Variants in SLC6A6 observed in about 807,000 individuals in gnomAD.
SLC6A6 encodes solute carrier family 6 member 6.
A neutral mutation model predicts 68.8 loss-of-function variants in SLC6A6; 16 were observed. The ratio of observed to expected loss-of-function variants is 0.23; its 90% CI spans 0.16 to 0.35. The LOEUF is 0.35. Ranked by LOEUF, SLC6A6 falls within the 10% of genes least tolerant of loss-of-function variation. SLC6A6 has a pLI of 1.00. For synonymous variants in SLC6A6, 312 were observed against 315.4 expected, an observed-to-expected ratio of 0.99 and a Z score of 0.12; for missense variants, 474 against 802.8, an observed-to-expected ratio of 0.59 and a Z score of 4.95.
chr3:14,465,851 G>A (rs1403292454), intron 6 of SLC6A6, among the ~76,000 whole-genome samples: 1 of 152,242 alleles, frequency 6.6e-6, no homozygotes, highest in African/African-American at 2.4e-5. Flanking sequence ...CTACGCCCTG[G>A]AATGTCAGTT....
At chr3:14,441,083 T>C (rs942779634) in intron 2 of SLC6A6, among the ~76,000 whole-genome samples, 1 of 152,028 alleles carries the variant, frequency 6.6e-6, no homozygotes, top group Non-Finnish European at 1.5e-5. Context: ...TCTAGAGGGT[T>C]CTCGAATATT....
At chr3:14,482,916 G>A (rs551731406) in intron 14 of SLC6A6, among the ~76,000 whole-genome samples, 1 of 152,250 alleles carries the variant, frequency 6.6e-6, no homozygotes, top group Admixed American at 6.5e-5. Flanking sequence ...AGCCCTCCAG[G>A]TGACCCCACA....
intron 2 of SLC6A6, among the ~76,000 whole-genome samples, chr3:14,419,869 G>A (rs1416069453): frequency 6.6e-6 from 1 of 152,074 alleles, no homozygotes; most frequent in African/African-American, 2.4e-5. Context: ...CCGGTGCCTG[G>A]GGCAGCTTAA....
intron 9 of SLC6A6, among the ~76,000 whole-genome samples, chr3:14,470,700 G>A (rs994517728): frequency 2.8e-4 from 43 of 152,272 alleles, no homozygotes; most frequent in African/African-American, 1.0e-3. Flanking sequence ...GTTCTGTAGG[G>A]ACCAGTGGGG....
chr3:14,439,953 G>A (rs565597589), intron 2 of SLC6A6, among the ~76,000 whole-genome samples: 1 of 152,176 alleles, frequency 6.6e-6, no homozygotes, highest in Non-Finnish European at 1.5e-5. Context: ...GGCGTCTCTT[G>A]TCATCTCTGG....
In SLC6A6 at chr3:14,487,360, C is replaced by G. The variant is rs945567634; in HGVS notation, c.*2353C>G. 2 of 152,782 alleles carry G rather than the reference C, an allele frequency of 1.3e-5. No individual in the cohort carries two copies. Among genetic ancestry groups the G allele is most frequent in the Non-Finnish European group, 2.9e-5 (2 of 68,124 alleles). 9.5% of individuals were successfully genotyped at this position (152,782 alleles called of 1,614,324 possible). A position where few individuals can be genotyped will look rare whatever the true frequency, so the allele number is the denominator to read the frequency against. ...CACCTGTCTCCAATCAGAGCCCTCT[C>G]GCCCAGCCAGCCCTGGCTCTGTGTG... is the stretch of plus-strand genomic sequence containing the variant. On this transcript the variant is annotated 3_prime_UTR_variant, in exon 15 of 15. Transcript: ENST00000622186.
At chr3:14,469,379 G>A (rs1246317198) in intron 9 of SLC6A6, among the ~76,000 whole-genome samples, 2 of 152,110 alleles carry the variant, frequency 1.3e-5, no homozygotes, top group East Asian at 1.9e-4. Context: ...CGGAGGCCCT[G>A]CCATTCCACT....
Position 14,468,007 on chromosome 3 carries a change from T to A in SLC6A6, c.971+51T>A. On this transcript the variant is annotated intron_variant, in intron 8 of 14. Transcript: ENST00000622186. The surrounding 1 kb of genome is among the most constrained non-coding windows in gnomAD (Gnocchi z 4.5). The stretch of plus-strand genomic sequence containing the variant: ...TGGACTTTAGAAATGATGATGATGA[T>A]GTTTAAAGAAAAAGAGAAGTAGGGA... 1.2e-6 allele frequency: 2 copies of A among 1,608,540 alleles called. No individual in the cohort carries two copies. The highest frequency in any genetic ancestry group is 1.7e-6 in the Non-Finnish European group (2 of 1,175,398).
chr3:14,444,302 A>C (rs1346299762), intron 3 of SLC6A6: 1 of 188,830 alleles, frequency 5.3e-6, no homozygotes, highest in African/African-American at 2.3e-5. Context: ...AAATTCTGTT[A>C]CCCGCTGTAG....
chr3:14,468,318 C>T lies in SLC6A6; in HGVS notation c.1096+106C>T. 1.0e-6 allele frequency: 1 copy of T among 996,242 alleles called. No homozygotes were observed. Among genetic ancestry groups the T allele is most frequent in the Non-Finnish European group, 1.4e-6 (1 of 714,384 alleles). The allele number at this position is 996,242 out of a possible 1,614,324, so 61.7% of individuals were successfully genotyped here. A position where few individuals can be genotyped will look rare whatever the true frequency, so the allele number is the denominator to read the frequency against. On this transcript the variant is annotated intron_variant, in intron 9 of 14. Coordinates refer to ENST00000622186, the MANE Select transcript of SLC6A6 (RefSeq NM_003043.6). This position sits in a 1 kb window ranked among gnomAD's most constrained non-coding sequence, Gnocchi z 4.5. Reference sequence around the variant, plus strand: ...CCAGGGGGCTTTGAGGGGGGACGAGCCTGGTTTCTAAAATGGACCCCCCCC... The same window carrying T: ...CCAGGGGGCTTTGAGGGGGGACGAGTCTGGTTTCTAAAATGGACCCCCCCC...
intron 2 of SLC6A6, among the ~76,000 whole-genome samples, chr3:14,438,617 G>T (rs1395912679): frequency 6.6e-6 from 1 of 152,172 alleles, no homozygotes; most frequent in Non-Finnish European, 1.5e-5. Flanking sequence ...GGAGCTGCTT[G>T]CCCAACCCGC....
At position 14,478,380 on chromosome 3, in the gene SLC6A6, C is replaced by A. The variant is rs1042471571; in HGVS notation, c.1348-86C>A. On this transcript the variant is annotated intron_variant, in intron 11 of 14. Transcript: ENST00000622186. ...CATTTTTCTCTTGGGTTTTTTTAAT[C>A]TTATTGATATGCCAGAGCTCTTTGT... 3.7e-5 allele frequency: 29 copies of A among 776,338 alleles called. No homozygotes were observed. The East Asian group carries it at 5.2e-4, about 14-fold the overall frequency. 48.1% of individuals were successfully genotyped at this position (776,338 alleles called of 1,614,324 possible).
At position 14,488,602 on chromosome 3, in the gene SLC6A6, C is replaced by A. The variant is rs538170655; in HGVS notation, c.*3595C>A. The A allele has an allele frequency of 6.6e-6, 1 of 152,258 alleles. No homozygotes were observed. The highest frequency in any genetic ancestry group is 2.1e-4 in the South Asian group (1 of 4,820). 9.4% of individuals were successfully genotyped at this position (152,258 alleles called of 1,614,324 possible). A position where few individuals can be genotyped will look rare whatever the true frequency, so the allele number is the denominator to read the frequency against. On this transcript the variant is annotated 3_prime_UTR_variant, in exon 15 of 15. Coordinates refer to ENST00000622186, the MANE Select transcript of SLC6A6 (RefSeq NM_003043.6). ...CTGAGGTCCCATCCCTCCCTCAGACCCATGTGGTCCCAGGCCAGGCTGCCT... is the reference window on the plus strand; with the variant it reads ...CTGAGGTCCCATCCCTCCCTCAGACACATGTGGTCCCAGGCCAGGCTGCCT...
chr3:14,419,885 AAAG>A (rs1295761782), intron 2 of SLC6A6, among the ~76,000 whole-genome samples: 5 of 152,130 alleles, frequency 3.3e-5, no homozygotes, highest in African/African-American at 4.8e-5. Context: ...CTTAAGGAAG[AAAG>A]AAGATTCTTA....
chr3:14,472,765 G>C lies in SLC6A6; in HGVS notation c.1209+448G>C, dbSNP rs1428771073. Among the ~76,000 whole-genome samples the C allele has an allele frequency of 6.6e-6, 1 of 152,218 alleles. No individual in the cohort carries two copies. The highest frequency in any genetic ancestry group is 1.5e-5 in the Non-Finnish European group (1 of 68,040). ...ATTCGGAGAAGGGACCCACATTTCT[G>C]TGTGAGCTGATCATTGTCTGGGCCA... On this transcript the variant is annotated intron_variant, in intron 10 of 14. Coordinates refer to ENST00000622186, the MANE Select transcript of SLC6A6 (RefSeq NM_003043.6). This position sits in a 1 kb window ranked among gnomAD's most constrained non-coding sequence, Gnocchi z 4.5.
intron 9 of SLC6A6, among the ~76,000 whole-genome samples, chr3:14,469,876 G>C (rs1480447431): frequency 6.6e-6 from 1 of 152,092 alleles, no homozygotes; most frequent in African/African-American, 2.4e-5. Context: ...CACTGTCCCT[G>C]CTTCCAAAGT....
In SLC6A6 at chr3:14,487,576, T is replaced by C. The variant is rs904757546; in HGVS notation, c.*2569T>C. ...CGCACATAGCCCAGCCAGCCAGATCTGGAAAGGAAGCGAGGGGGTTGTTTA... is the reference window on the plus strand; with the variant it reads ...CGCACATAGCCCAGCCAGCCAGATCCGGAAAGGAAGCGAGGGGGTTGTTTA... On this transcript the variant is annotated 3_prime_UTR_variant, in exon 15 of 15. Transcript: ENST00000622186. The C allele has an allele frequency of 1.3e-5, 2 of 152,246 alleles. No homozygotes were observed. The highest frequency in any genetic ancestry group is 2.9e-5 in the Non-Finnish European group (2 of 68,092). The allele number at this position is 152,246 out of a possible 1,614,324, so 9.4% of individuals were successfully genotyped here. A position where few individuals can be genotyped will look rare whatever the true frequency, so the allele number is the denominator to read the frequency against.
chr3:14,461,257 G>C (rs953257982), intron 6 of SLC6A6, among the ~76,000 whole-genome samples: 1 of 152,234 alleles, frequency 6.6e-6, no homozygotes, highest in Non-Finnish European at 1.5e-5. Context: ...TGGAGTATGT[G>C]CAGTTATTAG....
chr3:14,452,405 G>A (rs1435430864), intron 5 of SLC6A6, among the ~76,000 whole-genome samples: 3 of 152,224 alleles, frequency 2.0e-5, no homozygotes, highest in East Asian at 1.9e-4. Context: ...GATGCAAGAC[G>A]TGCAGTGCCC....
Sources: gnomAD v4.1 joint callset for allele counts (sites outside exome capture counted in the v4.1 genomes callset) on GRCh38, gnomAD v4.1.1 for gene constraint, Gnocchi (gnomAD v3.1) non-coding constraint, MANE v1.5 for transcripts, NCBI Gene and HGNC (gene_info 2026-07-23, HGNC 2026-07-21) for gene names.